The following KCTD16 variants were observed in gnomAD, a reference collection of about 807,000 sequenced individuals.
KCTD16 encodes BTB/POZ domain-containing protein KCTD16.
Under a neutral mutation model 33.2 loss-of-function variants are expected in KCTD16, and 13 were observed. That is an observed-to-expected ratio of 0.39 (90% CI 0.25 to 0.62). The LOEUF (loss-of-function observed/expected upper bound fraction) is 0.62, where lower values mean the gene tolerates loss of function less well. Among genes scored for constraint, KCTD16 ranks in the 20% least tolerant of loss-of-function variants. KCTD16 has a pLI of 0.50. For missense variants in KCTD16, 441 were observed against 525.1 expected, an observed-to-expected ratio of 0.84 and a Z score of 1.57; for synonymous variants, 197 against 195.3, an observed-to-expected ratio of 1.01 and a Z score of -0.07.
chr5:144,197,007 T>G (rs1427927272), intron 2 of KCTD16, among the ~76,000 whole-genome samples: 1 of 152,194 alleles, frequency 6.6e-6, no homozygotes, highest in Non-Finnish European at 1.5e-5. Context: ...GCCCTTTAAA[T>G]CTTGTGCCCG....
At chr5:144,330,960 G>T (rs1180542649) in intron 3 of KCTD16, among the ~76,000 whole-genome samples, 1 of 152,230 alleles carries the variant, frequency 6.6e-6, no homozygotes, top group Admixed American at 6.5e-5. Context: ...TAAATGAAGT[G>T]CTGTAGGAAT....
chr5:144,443,049 C>G (rs1296524546), intron 3 of KCTD16, among the ~76,000 whole-genome samples: 2 of 152,100 alleles, frequency 1.3e-5, no homozygotes, highest in Non-Finnish European at 2.9e-5. Flanking sequence ...TAAGAGAGCT[C>G]AAGTTCTCTT....
Position 144,176,387 on chromosome 5 carries a change from CTTT to C in KCTD16, c.-327+1939_-327+1941del, listed in dbSNP as rs368578231. On this transcript the variant is annotated intron_variant, in intron 2 of 3. Coordinates refer to ENST00000512467, the MANE Select transcript of KCTD16 (RefSeq NM_020768.4). ...AACAATTTTTAAAGATATAGTGTTT[CTTT>C]TTTTTTTTTTTTTTTTTTTTTTTGA... 3.7e-3 allele frequency among the ~76,000 whole-genome samples: 397 copies of C among 106,684 alleles called. 9 individuals are homozygous for C. Among genetic ancestry groups the C allele is most frequent in the African/African-American group, 0.012 (362 of 29,492 alleles). The allele number at this position is 106,684 out of a possible 152,430, so 70.0% of individuals were successfully genotyped here.
intron 3 of KCTD16, among the ~76,000 whole-genome samples, chr5:144,237,399 A>G (rs1004863129): frequency 2.0e-5 from 3 of 152,156 alleles, no homozygotes; most frequent in Admixed American, 6.5e-5. Context: ...ACCTATGTTT[A>G]TCAGATGCAG....
At chr5:144,306,096 T>C (rs1457744989) in intron 3 of KCTD16, among the ~76,000 whole-genome samples, 1 of 152,232 alleles carries the variant, frequency 6.6e-6, no homozygotes. Flanking sequence ...ATTATCATTA[T>C]CATGACCTAC....
chr5:144,461,805 C>T (rs142960087), intron 3 of KCTD16, among the ~76,000 whole-genome samples: 73 of 152,246 alleles, frequency 4.8e-4, no homozygotes, highest in African/African-American at 1.6e-3. Flanking sequence ...TTTCTTTCAC[C>T]CCCGGCTACG....
chr5:144,252,275 T>G (rs1169751354), intron 3 of KCTD16, among the ~76,000 whole-genome samples: 1 of 152,188 alleles, frequency 6.6e-6, no homozygotes, highest in Non-Finnish European at 1.5e-5. Context: ...CAAGTGTTCA[T>G]TTATTTGGAT....
intron 3 of KCTD16, among the ~76,000 whole-genome samples, chr5:144,289,923 A>C (rs1012162294): frequency 2.0e-5 from 3 of 152,208 alleles, no homozygotes; most frequent in Non-Finnish European, 4.4e-5. Context: ...AAACAAATCT[A>C]AGTGGATTTG....
intron 2 of KCTD16, among the ~76,000 whole-genome samples, chr5:144,185,670 G>C (rs1421842345): frequency 6.6e-6 from 1 of 152,010 alleles, no homozygotes; most frequent in African/African-American, 2.4e-5. Context: ...AGTATTACTA[G>C]ACACCCATTT....
intron 3 of KCTD16, among the ~76,000 whole-genome samples, chr5:144,453,916 C>T (rs1034821210): frequency 6.6e-6 from 1 of 152,078 alleles, no homozygotes; most frequent in African/African-American, 2.4e-5. Flanking sequence ...AAGTGAGGCC[C>T]CGTTTACTCT....
intron 3 of KCTD16, among the ~76,000 whole-genome samples, chr5:144,238,174 A>G (rs1338468196): frequency 6.6e-6 from 1 of 152,148 alleles, no homozygotes; most frequent in Admixed American, 6.6e-5. Flanking sequence ...AGAAGGAGAT[A>G]TTTTTGCAGT....
Position 144,209,215 on chromosome 5 carries a change from T to C in KCTD16, c.832+1669T>C, listed in dbSNP as rs538508822. The stretch of plus-strand genomic sequence containing the variant: ...AGTTATACCCTCCAAAAAGACCACA[T>C]TGGATTTATAGTCACTTGCTTACAT... On this transcript the variant is annotated intron_variant, in intron 3 of 3. Coordinates refer to ENST00000512467, the MANE Select transcript of KCTD16 (RefSeq NM_020768.4). Among the ~76,000 whole-genome samples the C allele has an allele frequency of 4.6e-5, 7 of 152,250 alleles. No homozygotes were observed. In the East Asian group the frequency reaches 1.2e-3, roughly 25 times the overall value.
rs1298465111 is a variant in KCTD16 at position 144,483,914 on chromosome 5, A to G, written c.*9800A>G. ...ATGTTGTCTTAAAAACATAAGAAAG[A>G]AAATCCATTTTTTTAAAGCAATGAA... On this transcript the variant is annotated 3_prime_UTR_variant, in exon 4 of 4. Coordinates refer to ENST00000512467, the MANE Select transcript of KCTD16 (RefSeq NM_020768.4). 1.3e-5 allele frequency: 2 copies of G among 151,964 alleles called. No homozygotes were observed. Among genetic ancestry groups the G allele is most frequent in the Non-Finnish European group, 2.9e-5 (2 of 67,936 alleles). 9.4% of individuals were successfully genotyped at this position (151,964 alleles called of 1,614,324 possible).
At chr5:144,257,489 T>C (rs1754882339) in intron 3 of KCTD16, among the ~76,000 whole-genome samples, 1 of 151,926 alleles carries the variant, frequency 6.6e-6, no homozygotes, top group Non-Finnish European at 1.5e-5. Flanking sequence ...TATTTAGTCA[T>C]AGTTTCTTTT....
chr5:144,278,485 C>CTTTTTTTTTTT (rs1220359408), intron 3 of KCTD16, among the ~76,000 whole-genome samples: 5 of 89,986 alleles, frequency 5.6e-5, no homozygotes, highest in African/African-American at 1.5e-4. Flanking sequence ...TGTTAGTCTT[C>CTTTTTTTTTTT]TTTTTTTTTT....
Position 144,173,901 on chromosome 5 carries a change from AT to A in KCTD16, c.-492-390del, listed in dbSNP as rs58804094. Reference sequence around the variant, plus strand: ...TAGTCACGTAGGAATTTCTTTTTGGATTTTTTTTTTTTTTTTGGCATTGCTC... The same window carrying A: ...TAGTCACGTAGGAATTTCTTTTTGGATTTTTTTTTTTTTTTGGCATTGCTC... On this transcript the variant is annotated intron_variant, in intron 1 of 3. Coordinates refer to ENST00000512467, the MANE Select transcript of KCTD16 (RefSeq NM_020768.4). Among the ~76,000 whole-genome samples, 1,294 of 140,746 alleles carry A rather than the reference AT, an allele frequency of 9.2e-3. 9 individuals are homozygous for A. Among genetic ancestry groups the A allele is most frequent in the African/African-American group, 0.023 (897 of 38,176 alleles). 92.3% of individuals were successfully genotyped at this position (140,746 alleles called of 152,430 possible). A position where few individuals can be genotyped will look rare whatever the true frequency, so the allele number is the denominator to read the frequency against.
rs1010270889 is a variant in KCTD16, at chr5:144,483,437, T to G, written c.*9323T>G. 1.3e-5 allele frequency: 2 copies of G among 151,950 alleles called. No homozygotes were observed. The highest frequency in any genetic ancestry group is 2.4e-5 in the African/African-American group (1 of 41,416). 9.4% of individuals were successfully genotyped at this position (151,950 alleles called of 1,614,324 possible). On this transcript the variant is annotated 3_prime_UTR_variant, in exon 4 of 4. Coordinates refer to ENST00000512467, the MANE Select transcript of KCTD16 (RefSeq NM_020768.4). Reference sequence around the variant, plus strand: ...TATTGTAAATAGATACTAAAAGTCATGGGCACATTGTAATAATCACAAAGT... The same window carrying G: ...TATTGTAAATAGATACTAAAAGTCAGGGGCACATTGTAATAATCACAAAGT...
chr5:144,306,705 A>G (rs1002145813), intron 3 of KCTD16, among the ~76,000 whole-genome samples: 15 of 152,236 alleles, frequency 9.9e-5, no homozygotes, highest in African/African-American at 3.6e-4. Context: ...CTGGTGGTGT[A>G]GAGAGGACTG....
intron 3 of KCTD16, among the ~76,000 whole-genome samples, chr5:144,234,462 G>A (rs991439115): frequency 6.6e-6 from 1 of 152,130 alleles, no homozygotes; most frequent in Non-Finnish European, 1.5e-5. Flanking sequence ...TATCAGAGGT[G>A]TTGAATCAGT....
Sources: gnomAD v4.1 joint callset for allele counts (sites outside exome capture counted in the v4.1 genomes callset) on GRCh38, gnomAD v4.1.1 for gene constraint, MANE v1.5 for transcripts, NCBI Gene and HGNC (gene_info 2026-07-23, HGNC 2026-07-21) for gene names.